The following FARP1 variants were observed in gnomAD, a reference collection of about 807,000 sequenced individuals.
The protein encoded by FARP1 is FERM, ARHGEF and pleckstrin domain-containing protein 1.
In FARP1, 52 loss-of-function variants were observed where a neutral mutation model predicts 128.8. That is an observed-to-expected ratio of 0.40 (90% CI 0.32 to 0.51). The LOEUF (loss-of-function observed/expected upper bound fraction) is 0.51. FARP1 is among the 20% of genes least tolerant of loss of function. The pLI is 0.45. For missense variants in FARP1, 1,333 were observed against 1,367.9 expected (o/e 0.97, Z 0.40); for synonymous variants, 580 against 551.8 (o/e 1.05, Z -0.72).
At chr13:98,365,741 C>A (rs1889054161) in intron 4 of FARP1, among the ~76,000 whole-genome samples, 1 of 152,290 alleles carries the variant, frequency 6.6e-6, no homozygotes, top group African/African-American at 2.4e-5. Context: ...GCCATTGTTC[C>A]TTTCTGTCAC....
At chr13:98,158,994 A>G (rs539326211) in intron 1 of FARP1, among the ~76,000 whole-genome samples, 6 of 152,306 alleles carry the variant, frequency 3.9e-5, no homozygotes, top group Non-Finnish European at 8.8e-5. Context: ...TCAGTCCTAA[A>G]GATTGAGCAG....
intron 2 of FARP1, among the ~76,000 whole-genome samples, chr13:98,254,488 G>A (rs187376481): frequency 5.3e-5 from 8 of 152,276 alleles, no homozygotes; most frequent in Non-Finnish European, 1.0e-4. Context: ...AATAAAAAGT[G>A]GGTATTCTAT....
chr13:98,308,029 CTCTCTTTTTTTTTTTTTTTTTTT>C (rs1189031777), intron 2 of FARP1, among the ~76,000 whole-genome samples: 3 of 114,930 alleles, frequency 2.6e-5, no homozygotes, highest in African/African-American at 3.7e-5. Context: ...CCCCCACTCT[CTCTCTTTTTTTTTTTTTTTTTTT>C]TTTTTTTTTT....
chr13:98,360,935 A>G (rs573915457), intron 3 of FARP1, among the ~76,000 whole-genome samples: 1 of 152,064 alleles, frequency 6.6e-6, no homozygotes, highest in Admixed American at 6.6e-5. Flanking sequence ...CTCTAGAGAA[A>G]GCTTATGGTG....
intron 26 of FARP1, 48 bp downstream of exon 26, chr13:98,446,865 T>C (rs1341014435): frequency 6.3e-7 from 1 of 1,595,600 alleles, no homozygotes; most frequent in Admixed American, 1.7e-5. Context: ...GAGGACCCCC[T>C]CTTCCAAACA....
intron 2 of FARP1, among the ~76,000 whole-genome samples, chr13:98,318,712 C>G (rs1187603831): frequency 6.6e-6 from 1 of 152,202 alleles, no homozygotes; most frequent in African/African-American, 2.4e-5. Context: ...CCACCCCACC[C>G]AGCAGTCTGC....
intron 6 of FARP1, 128 bp from the exon 7 acceptor site, chr13:98,384,602 C>T: frequency 1.6e-6 from 1 of 636,948 alleles, no homozygotes; most frequent in Non-Finnish European, 2.8e-6. Flanking sequence ...TCTGGCCCTT[C>T]TGATGTTCCC....
intron 2 of FARP1, among the ~76,000 whole-genome samples, chr13:98,294,441 A>G (rs1476927600): frequency 2.0e-5 from 3 of 152,222 alleles, no homozygotes; most frequent in African/African-American, 4.8e-5. Flanking sequence ...CTATATTTGT[A>G]TCATGTCATG....
At chr13:98,173,350 G>C (rs1264135123) in intron 1 of FARP1, among the ~76,000 whole-genome samples, 1 of 152,146 alleles carries the variant, frequency 6.6e-6, no homozygotes, top group Admixed American at 6.5e-5. Context: ...CTCCTTAGAA[G>C]GAATTTTGTG....
At chr13:98,167,627 C>T (rs1210200163) in intron 1 of FARP1, among the ~76,000 whole-genome samples, 7 of 151,908 alleles carry the variant, frequency 4.6e-5, no homozygotes, top group East Asian at 1.9e-4. Flanking sequence ...CCAGGCTGGT[C>T]GCGAACTTCT....
intron 21 of FARP1, among the ~76,000 whole-genome samples, chr13:98,439,581 C>T (rs1180740330): frequency 2.6e-5 from 4 of 152,196 alleles, no homozygotes; most frequent in Admixed American, 1.3e-4. Flanking sequence ...TGACAGCGCC[C>T]GCTCCCTGGA....
At chr13:98,402,818 G>C (rs1197695973) in intron 13 of FARP1, 2 of 152,026 alleles carry the variant, frequency 1.3e-5, no homozygotes, top group Non-Finnish European at 2.9e-5. Flanking sequence ...TTCTCTCTGT[G>C]TGTATATTTA....
chr13:98,430,177 A>AGGAGTTC, intron 17 of FARP1, among the ~76,000 whole-genome samples: 1 of 152,236 alleles, frequency 6.6e-6, no homozygotes. Context: ...CCTTGAGCCC[A>AGGAGTTC]GGAGTTCGAG....
intron 3 of FARP1, among the ~76,000 whole-genome samples, chr13:98,344,540 C>T (rs543262375): frequency 1.3e-5 from 2 of 152,140 alleles, no homozygotes; most frequent in African/African-American, 4.8e-5. Context: ...CAGGCAGTGC[C>T]AGAAGGTGTA....
chr13:98,213,446 G>C, intron 2 of FARP1, 33 bp downstream of exon 2: 1 of 1,604,284 alleles, frequency 6.2e-7, no homozygotes, highest in Non-Finnish European at 8.5e-7. Flanking sequence ...ACCCAGGAGT[G>C]TGGTAGGGGA....
At chr13:98,288,931 C>A (rs1481004813) in intron 2 of FARP1, among the ~76,000 whole-genome samples, 3 of 144,784 alleles carry the variant, frequency 2.1e-5, no homozygotes, top group African/African-American at 7.6e-5. Context: ...GTTATGAATT[C>A]TATTTCTGGG....
intron 2 of FARP1, among the ~76,000 whole-genome samples, chr13:98,337,538 C>T (rs1291472258): frequency 7.6e-6 from 1 of 132,004 alleles, no homozygotes; most frequent in Non-Finnish European, 1.6e-5. Flanking sequence ...TCTGTGTAGC[C>T]GTGTGTGTGT....
intron 12 of FARP1, 109 bp from the exon 13 acceptor site, chr13:98,395,118 C>A: frequency 7.5e-7 from 1 of 1,337,890 alleles, no homozygotes; most frequent in Non-Finnish European, 1.0e-6. Context: ...GTTCTCCCGC[C>A]GCAGAGGCCT....
chr13:98,247,421 TA>T (rs1883125135), intron 2 of FARP1, among the ~76,000 whole-genome samples: 1 of 152,132 alleles, frequency 6.6e-6, no homozygotes, highest in Non-Finnish European at 1.5e-5. Context: ...CACTAAGCTC[TA>T]AATGACCAGG....
Sources: gnomAD v4.1 joint callset for allele counts (sites outside exome capture counted in the v4.1 genomes callset) on GRCh38, gnomAD v4.1.1 for gene constraint, MANE v1.5 for transcripts, NCBI Gene and HGNC (gene_info 2026-07-23, HGNC 2026-07-21) for gene names.